Variants in SLC22A23 observed in about 807,000 individuals in gnomAD.
SLC22A23 encodes ion transporter protein.
SLC22A23 carries 26 observed loss-of-function variants against 61.0 expected under a neutral mutation model. The observed-to-expected ratio is 0.43, with a 90% CI of 0.31 to 0.59. The LOEUF (loss-of-function observed/expected upper bound fraction) is 0.59. SLC22A23 is among the 20% of genes least tolerant of loss of function. The pLI is 0.11. For missense variants in SLC22A23, 796 were observed against 934.7 expected (o/e 0.85, Z 1.94); for synonymous variants, 430 against 413.9 (o/e 1.04, Z -0.47).
intron 1 of SLC22A23, among the ~76,000 whole-genome samples, chr6:3,416,883 T>C (rs1581853139): frequency 6.6e-6 from 1 of 152,234 alleles, no homozygotes. Context: ...GGAGGTGTTC[T>C]GGGAGCAGAG....
intron 3 of SLC22A23, among the ~76,000 whole-genome samples, chr6:3,356,698 GCTGGCTTGAACCTC>G (rs1245296992): frequency 1.3e-5 from 2 of 152,102 alleles, no homozygotes; most frequent in Admixed American, 1.3e-4. Flanking sequence ...AGTGAGATGG[GCTGGCTTGAACCTC>G]CAGGTCTTGA....
Position 3,362,413 on chromosome 6 carries a change from A to T in SLC22A23, c.914-38411T>A, listed in dbSNP as rs1181773962. On this transcript the variant is annotated intron_variant, in intron 3 of 9. Coordinates refer to ENST00000406686, the MANE Select transcript of SLC22A23 (RefSeq NM_015482.2). ...GCGAGATTCCGTCTCACAAAAAAAA[A>T]AAATAAAATAAAAAATAAAAAATAA... Among the ~76,000 whole-genome samples the T allele has an allele frequency of 4.2e-5, 4 of 95,572 alleles. 1 individual carries two copies. Among genetic ancestry groups the T allele is most frequent in the Non-Finnish European group, 8.4e-5 (4 of 47,340 alleles). 62.7% of individuals were successfully genotyped at this position (95,572 alleles called of 152,430 possible).
At chr6:3,273,870 C>G (rs1290089498) in intron 9 of SLC22A23, among the ~76,000 whole-genome samples, 2 of 152,190 alleles carry the variant, frequency 1.3e-5, no homozygotes, top group Non-Finnish European at 2.9e-5. Context: ...GACATACCAA[C>G]ACGAACAGAG....
chr6:3,281,659 G>A (rs929514496), intron 9 of SLC22A23, among the ~76,000 whole-genome samples: 3 of 152,036 alleles, frequency 2.0e-5, no homozygotes, highest in Non-Finnish European at 4.4e-5. Flanking sequence ...GTGAAGTGGG[G>A]GGATGGTAGG....
chr6:3,333,478 C>G lies in SLC22A23; in HGVS notation c.914-9476G>C, dbSNP rs1031227004. Among the ~76,000 whole-genome samples, 1 of 152,116 alleles carries G rather than the reference C, an allele frequency of 6.6e-6. No individual in the cohort carries two copies. Among genetic ancestry groups the G allele is most frequent in the African/African-American group, 2.4e-5 (1 of 41,410 alleles). On this transcript the variant is annotated intron_variant, in intron 3 of 9. Coordinates refer to ENST00000406686, the MANE Select transcript of SLC22A23 (RefSeq NM_015482.2). This position sits in a 1 kb window ranked among gnomAD's most constrained non-coding sequence, Gnocchi z 4.1. ...ACCTGCCCCTCCCCGCCCCATCGCT[C>G]CACTTCAGCCACACTGGCCTCCCTG...
At chr6:3,383,333 C>A (rs575756901) in intron 3 of SLC22A23, among the ~76,000 whole-genome samples, 1 of 144,202 alleles carries the variant, frequency 6.9e-6, no homozygotes, top group South Asian at 2.5e-4. Flanking sequence ...AAAATTCTGG[C>A]TGGTTTTTTC....
chr6:3,395,315 T>G (rs889119578), intron 3 of SLC22A23, among the ~76,000 whole-genome samples: 1 of 151,996 alleles, frequency 6.6e-6, no homozygotes, highest in Non-Finnish European at 1.5e-5. Flanking sequence ...GTCTAACAGG[T>G]ATGAATAAAG....
Position 3,456,267 on chromosome 6 carries a change from G to A in SLC22A23, c.293C>T (p.Thr98Ile), listed in dbSNP as rs1371727961. ...LGGLGGGYQK[T>I]LVLLTWIPAL... is the part of the protein sequence containing the mutation. Reference sequence around the variant, plus strand: ...CGGGATCCAGGTGAGCAGCACGAGGGTCTTCTGATAGCCCCCGCCCAGGCC... The same window carrying A: ...CGGGATCCAGGTGAGCAGCACGAGGATCTTCTGATAGCCCCCGCCCAGGCC... Residue 98 changes from threonine (T) to isoleucine (I), a missense_variant, in exon 1 of 10, where the codon ACC (threonine) becomes ATC (isoleucine). Thr to Ile is a moderately conservative substitution (Grantham distance 89). Coordinates refer to ENST00000406686, the MANE Select transcript of SLC22A23 (RefSeq NM_015482.2). This position sits in a 1 kb window ranked among gnomAD's most constrained non-coding sequence, Gnocchi z 7.1. 1 of 1,551,362 alleles carries A rather than the reference G, an allele frequency of 6.4e-7. No individual in the cohort carries two copies. The highest frequency in any genetic ancestry group is 8.7e-7 in the Non-Finnish European group (1 of 1,146,832).
At chr6:3,334,355 T>A (rs150888487) in intron 3 of SLC22A23, among the ~76,000 whole-genome samples, 35 of 152,312 alleles carry the variant, frequency 2.3e-4, no homozygotes, top group Admixed American at 7.8e-4. Context: ...GAGATGGGGT[T>A]TCACCATGTT....
chr6:3,419,509 TGAGTTAGGAAGAGAGTTCA>T (rs2127527548), intron 1 of SLC22A23, among the ~76,000 whole-genome samples: 1 of 152,314 alleles, frequency 6.6e-6, no homozygotes, highest in South Asian at 2.1e-4. Context: ...CCGGCTGACC[TGAGTTAGGAAGAGAGTTCA>T]GAGGGGAGGA....
At chr6:3,294,080 C>G (rs1760860179) in intron 5 of SLC22A23, among the ~76,000 whole-genome samples, 1 of 152,186 alleles carries the variant, frequency 6.6e-6, no homozygotes, top group Non-Finnish European at 1.5e-5. Context: ...TGGGGCTAGC[C>G]TGACACTGAG....
chr6:3,340,485 T>C (rs1217488030), intron 3 of SLC22A23, among the ~76,000 whole-genome samples: 1 of 152,104 alleles, frequency 6.6e-6, no homozygotes, highest in East Asian at 1.9e-4. Context: ...AACCATGAGA[T>C]AAATGAACTT....
At chr6:3,395,734 A>G (rs1405632942) in intron 3 of SLC22A23, among the ~76,000 whole-genome samples, 1 of 152,226 alleles carries the variant, frequency 6.6e-6, no homozygotes, top group Non-Finnish European at 1.5e-5. Flanking sequence ...GGCAACATGT[A>G]TACTGGCATT....
chr6:3,317,048 T>C lies in SLC22A23; in HGVS notation c.1082+6786A>G, dbSNP rs1188225020. 6.6e-6 allele frequency among the ~76,000 whole-genome samples: 1 copy of C among 152,228 alleles called. No individual in the cohort carries two copies. The highest frequency in any genetic ancestry group is 2.4e-5 in the African/African-American group (1 of 41,456). Reference sequence around the variant, plus strand: ...ACTATCTCCAGAAGTCCTTACTCCCTGTGACTTCTTCCAAGCCACTTGAGA... The same window carrying C: ...ACTATCTCCAGAAGTCCTTACTCCCCGTGACTTCTTCCAAGCCACTTGAGA... On this transcript the variant is annotated intron_variant, in intron 4 of 9. Coordinates refer to ENST00000406686, the MANE Select transcript of SLC22A23 (RefSeq NM_015482.2). This position sits in a 1 kb window ranked among gnomAD's most constrained non-coding sequence, Gnocchi z 4.4.
In SLC22A23 at chr6:3,269,598, A is replaced by G. The variant is rs1347577107; in HGVS notation, c.*3457T>C. 6.5e-6 allele frequency: 1 copy of G among 152,852 alleles called. No individual in the cohort carries two copies. The highest frequency in any genetic ancestry group is 1.5e-5 in the Non-Finnish European group (1 of 68,058). The allele number at this position is 152,852 out of a possible 1,614,324, so 9.5% of individuals were successfully genotyped here. A position where few individuals can be genotyped will look rare whatever the true frequency, so the allele number is the denominator to read the frequency against. ...GCGTAAGCTTGTGCTATGAACGAGC[A>G]CCGTCAGAGAATTCCCACCCACACG... On this transcript the variant is annotated 3_prime_UTR_variant, in exon 10 of 10. Coordinates refer to ENST00000406686, the MANE Select transcript of SLC22A23 (RefSeq NM_015482.2).
chr6:3,391,590 G>A (rs1179454179), intron 3 of SLC22A23, among the ~76,000 whole-genome samples: 1 of 152,198 alleles, frequency 6.6e-6, no homozygotes, highest in Admixed American at 6.5e-5. Flanking sequence ...CCCATTCTGT[G>A]CCAGGTGCAA....
Position 3,322,116 on chromosome 6 carries a change from G to A in SLC22A23, c.1082+1718C>T, listed in dbSNP as rs532270325. On this transcript the variant is annotated intron_variant, in intron 4 of 9. Transcript: ENST00000406686. The surrounding 1 kb of genome is among the most constrained non-coding windows in gnomAD (Gnocchi z 4.1). ...ACAGGAGCCAGGTGTGGCAAGAGTT[G>A]GCCGCTTCAGGTCCAGGCTCTGACG... 1.2e-4 allele frequency among the ~76,000 whole-genome samples: 19 copies of A among 152,250 alleles called. No homozygotes were observed. Among genetic ancestry groups the A allele is most frequent in the African/African-American group, 3.6e-4 (15 of 41,530 alleles).
At chr6:3,415,525 C>G (rs1170417794) in intron 2 of SLC22A23, among the ~76,000 whole-genome samples, 1 of 152,202 alleles carries the variant, frequency 6.6e-6, no homozygotes, top group African/African-American at 2.4e-5. Flanking sequence ...TTGCTATATT[C>G]TAGAAGCTAG....
Position 3,311,032 on chromosome 6 carries a change from C to T in SLC22A23, c.1082+12802G>A, listed in dbSNP as rs142292289. ...CTGTGGTTCCACGTGACGCCATTCA[C>T]GGGCTAAACATGCACTGGGCACCAT... is the stretch of plus-strand genomic sequence containing the variant. On this transcript the variant is annotated intron_variant, in intron 4 of 9. Transcript: ENST00000406686. Among the ~76,000 whole-genome samples, 536 of 152,334 alleles carry T rather than the reference C, an allele frequency of 3.5e-3. 4 individuals are homozygous for T. The highest frequency in any genetic ancestry group is 0.014 in the Middle Eastern group (4 of 294).
Sources: gnomAD v4.1 joint callset for allele counts (sites outside exome capture counted in the v4.1 genomes callset) on GRCh38, gnomAD v4.1.1 for gene constraint, Gnocchi (gnomAD v3.1) non-coding constraint, MANE v1.5 for transcripts, NCBI Gene and HGNC (gene_info 2026-07-23, HGNC 2026-07-21) for gene names.